FBXO32: variants seen among roughly 807,000 people sequenced by gnomAD.
The protein encoded by FBXO32 is F-box protein 32.
In FBXO32, 15 loss-of-function variants were observed where a neutral mutation model predicts 48.3. That is an observed-to-expected ratio of 0.31 (90% CI 0.21 to 0.48). The LOEUF (loss-of-function observed/expected upper bound fraction) is 0.48. FBXO32 is among the 20% of genes least tolerant of loss of function. The pLI is 0.99. For synonymous variants in FBXO32, 154 were observed against 165.9 expected, an observed-to-expected ratio of 0.93 and a Z score of 0.55; for missense variants, 309 against 432.7, an observed-to-expected ratio of 0.71 and a Z score of 2.54.
intron 4 of FBXO32, among the ~76,000 whole-genome samples, chr8:123,522,486 G>T (rs1431676035): frequency 6.6e-6 from 1 of 152,078 alleles, no homozygotes; most frequent in African/African-American, 2.4e-5. Context: ...TGGGATTACA[G>T]GTGTGAGCCC....
In FBXO32 at chr8:123,506,979, A is replaced by G. The variant is rs987490699; in HGVS notation, c.652-405T>C. ...TCTCTCTGGCCCCCCTCCAGACATC[A>G]GGTCCCTCCAAGTAGGTTTACTCAC... On this transcript the variant is annotated intron_variant, in intron 6 of 8. Transcript: ENST00000517956. The surrounding 1 kb of genome is among the most constrained non-coding windows in gnomAD (Gnocchi z 4.0). Among the ~76,000 whole-genome samples the G allele has an allele frequency of 6.6e-6, 1 of 152,088 alleles. No individual in the cohort carries two copies. The highest frequency in any genetic ancestry group is 2.4e-5 in the African/African-American group (1 of 41,406).
chr8:123,507,113 C>A (rs1321086189), intron 6 of FBXO32, among the ~76,000 whole-genome samples: 3 of 152,178 alleles, frequency 2.0e-5, no homozygotes, highest in Non-Finnish European at 4.4e-5. Flanking sequence ...AACCTACTTC[C>A]TCTGAAAGGC....
intron 7 of FBXO32, among the ~76,000 whole-genome samples, chr8:123,505,595 G>A (rs1053630746): frequency 6.6e-6 from 1 of 152,182 alleles, no homozygotes; most frequent in Admixed American, 6.5e-5. Flanking sequence ...AATTAGCCAG[G>A]CATGGCGGTG....
Position 123,500,382 on chromosome 8 carries a change from G to C in FBXO32, c.*2991C>G, listed in dbSNP as rs1199613279. The stretch of plus-strand genomic sequence containing the variant: ...CTATTTTGAAATTCTGTTTTACAGG[G>C]TTTAGGATGGGGGTAGGTAGGCACA... On this transcript the variant is annotated 3_prime_UTR_variant, in exon 9 of 9. Transcript: ENST00000517956. 4 of 152,186 alleles carry C rather than the reference G, an allele frequency of 2.6e-5. No individual in the cohort carries two copies. The highest frequency in any genetic ancestry group is 5.9e-5 in the Non-Finnish European group (4 of 68,028). 9.4% of individuals were successfully genotyped at this position (152,186 alleles called of 1,614,324 possible). A position where few individuals can be genotyped will look rare whatever the true frequency, so the allele number is the denominator to read the frequency against.
At chr8:123,517,490 T>TC (rs1188535154) in intron 4 of FBXO32, among the ~76,000 whole-genome samples, 3 of 151,938 alleles carry the variant, frequency 2.0e-5, no homozygotes, top group Non-Finnish European at 4.4e-5. Context: ...TTTTTTTTTT[T>TC]TTAACTGTCA....
intron 3 of FBXO32, chr8:123,532,239 C>A: frequency 8.3e-7 from 1 of 1,205,120 alleles, no homozygotes; most frequent in Non-Finnish European, 1.1e-6. Context: ...TGACTTGTAC[C>A]ATTTGGGACC....
At position 123,513,363 on chromosome 8, in the gene FBXO32, G is replaced by A; in HGVS notation, c.486C>T (p.Asn162=). 2 of 1,613,948 alleles carry A rather than the reference G, an allele frequency of 1.2e-6. No homozygotes were observed. The highest frequency in any genetic ancestry group is 1.7e-6 in the Non-Finnish European group (2 of 1,179,862). Residue 162 remains asparagine (N), a synonymous_variant, in exon 6 of 9, where the codon AAC becomes AAT. Transcript: ENST00000517956. The surrounding 1 kb of genome is among the most constrained non-coding windows in gnomAD (Gnocchi z 4.3). ...GGAGTAGTTCCCTTATTAGTCTAATGTTTTGCTGGTCTTCAAGGACTTGAG... is the reference window on the plus strand; with the variant it reads ...GGAGTAGTTCCCTTATTAGTCTAATATTTTGCTGGTCTTCAAGGACTTGAG... ...VVLKVLEDQQ[N]IRLIRELLQT... is the part of the protein sequence containing the mutation.
intron 6 of FBXO32, among the ~76,000 whole-genome samples, chr8:123,511,876 C>T (rs1344389964): frequency 2.0e-5 from 3 of 152,184 alleles, no homozygotes; most frequent in African/African-American, 7.2e-5. Flanking sequence ...ACAGTTCTCT[C>T]CTGGCCTTAG....
At chr8:123,523,030 T>TA (rs1200144043) in intron 4 of FBXO32, among the ~76,000 whole-genome samples, 2 of 152,280 alleles carry the variant, frequency 1.3e-5, no homozygotes, top group African/African-American at 2.4e-5. Flanking sequence ...TTTAAAGCAA[T>TA]TTGCCGCATG....
chr8:123,521,557 G>A (rs1367644772), intron 4 of FBXO32, among the ~76,000 whole-genome samples: 1 of 152,176 alleles, frequency 6.6e-6, no homozygotes, highest in Non-Finnish European at 1.5e-5. Flanking sequence ...GTAAACACTT[G>A]GGCTTTCAGA....
rs750533373 is a variant in FBXO32, at chr8:123,501,230, C to G, written c.*2143G>C. The stretch of plus-strand genomic sequence containing the variant: ...AGAGCTCTCTCAGTGATGGCACACC[C>G]AACTCCACCCCATGTCTTTGAGGAA... On this transcript the variant is annotated 3_prime_UTR_variant, in exon 9 of 9. Transcript: ENST00000517956. 7.2e-5 allele frequency: 11 copies of G among 152,144 alleles called. No homozygotes were observed. The highest frequency in any genetic ancestry group is 1.2e-4 in the Non-Finnish European group (8 of 68,044). The allele number at this position is 152,144 out of a possible 1,614,324, so 9.4% of individuals were successfully genotyped here. A position where few individuals can be genotyped will look rare whatever the true frequency, so the allele number is the denominator to read the frequency against.
chr8:123,512,212 C>A (rs1377944174), intron 6 of FBXO32, among the ~76,000 whole-genome samples: 1 of 152,204 alleles, frequency 6.6e-6, no homozygotes, highest in East Asian at 1.9e-4. Flanking sequence ...AAGGAAGTCA[C>A]ATACCTCTGA....
At chr8:123,518,215 A>G (rs931633151) in intron 4 of FBXO32, among the ~76,000 whole-genome samples, 4 of 152,212 alleles carry the variant, frequency 2.6e-5, no homozygotes, top group Admixed American at 2.6e-4. Flanking sequence ...ATGCACAGTA[A>G]TAGTACCTAC....
chr8:123,506,934 G>A lies in FBXO32; in HGVS notation c.652-360C>T, dbSNP rs540953313. 6.6e-6 allele frequency among the ~76,000 whole-genome samples: 1 copy of A among 152,292 alleles called. No individual in the cohort carries two copies. The highest frequency in any genetic ancestry group is 2.4e-5 in the African/African-American group (1 of 41,566). On this transcript the variant is annotated intron_variant, in intron 6 of 8. Coordinates refer to ENST00000517956, the MANE Select transcript of FBXO32 (RefSeq NM_058229.4). This position sits in a 1 kb window ranked among gnomAD's most constrained non-coding sequence, Gnocchi z 4.0. ...TCACTGCCCTGGATGGAGTGGCCCA[G>A]CCTGCCACCCCAAGTCCCATCTCTC... is the stretch of plus-strand genomic sequence containing the variant.
chr8:123,529,937 C>T (rs1386761919), intron 4 of FBXO32, among the ~76,000 whole-genome samples: 1 of 152,154 alleles, frequency 6.6e-6, no homozygotes, highest in African/African-American at 2.4e-5. Flanking sequence ...TAAGTGTCTT[C>T]CTCTAATACC....
At chr8:123,532,175 C>T in intron 3 of FBXO32, 185 bp from the exon 4 acceptor site, 2 of 1,372,242 alleles carry the variant, frequency 1.5e-6, no homozygotes, top group South Asian at 1.7e-5. Context: ...AGATGGGTAA[C>T]ACAGCCAGCA....
intron 4 of FBXO32, among the ~76,000 whole-genome samples, chr8:123,519,152 T>G (rs16898501): frequency 0.097 from 14,792 of 152,212 alleles, 966 homozygotes; most frequent in Admixed American, 0.22. Context: ...GTTTCAGGAC[T>G]TCAGTTTGTC....
rs372237779 is a variant in FBXO32 at position 123,531,904 on chromosome 8, C to G, written c.366G>C (p.Val122=). Residue 122 remains valine (V), a synonymous_variant, in exon 4 of 9, where the codon GTG becomes GTC. Transcript: ENST00000517956. ...AILDSRRFNY[V]VRLLELIAKS... ...TTAGGCACTTGAGACTTACCCGGAC[C>G]ACGTAGTTAAATCTTCTGGAATCCA... is the stretch of plus-strand genomic sequence containing the variant. The G allele has an allele frequency of 6.2e-6, 10 of 1,613,888 alleles. No individual in the cohort carries two copies. The African/African-American group carries it at 1.2e-4, about 19-fold the overall frequency.
rs910988518 is a variant in FBXO32, at chr8:123,503,354, T to C, written c.*19A>G. 1.2e-6 allele frequency: 2 copies of C among 1,606,574 alleles called. No homozygotes were observed. Among genetic ancestry groups the C allele is most frequent in the Admixed American group, 1.7e-5 (1 of 59,970 alleles). ...AGTCAGCAGGGGGACCCTTCTGAAG[T>C]GTTGTCATGTGCTGGGATTCAGAAC... On this transcript the variant is annotated 3_prime_UTR_variant, in exon 9 of 9. Transcript: ENST00000517956.
Sources: gnomAD v4.1 joint callset for allele counts (sites outside exome capture counted in the v4.1 genomes callset) on GRCh38, gnomAD v4.1.1 for gene constraint, Gnocchi (gnomAD v3.1) non-coding constraint, MANE v1.5 for transcripts, NCBI Gene and HGNC (gene_info 2026-07-23, HGNC 2026-07-21) for gene names.